ADAM20: variants seen among roughly 807,000 people sequenced by gnomAD.
The protein encoded by ADAM20 is disintegrin and metalloproteinase domain-containing protein 20.
For missense variants in ADAM20, 871 were observed against 883.2 expected (o/e 0.99, Z 0.18); for synonymous variants, 305 against 310.2 (o/e 0.98, Z 0.18).
At position 70,533,411 on chromosome 14, in the gene ADAM20, T is replaced by C. The variant is rs891241698; in HGVS notation, c.-177+1386A>G. ...GTGGCACATACATACCATGGAATACTATGCAGCCATAAAAAAGAATGAGTT... is the reference window on the plus strand; with the variant it reads ...GTGGCACATACATACCATGGAATACCATGCAGCCATAAAAAAGAATGAGTT... On this transcript the variant is annotated intron_variant, in intron 1 of 1. Transcript: ENST00000256389. Among the ~76,000 whole-genome samples, 5 of 152,176 alleles carry C rather than the reference T, an allele frequency of 3.3e-5. No individual in the cohort carries two copies. In the East Asian group the frequency reaches 9.6e-4, roughly 29 times the overall value.
chr14:70,572,099 T>C, the ADAM20 span, among the ~76,000 whole-genome samples: 1 of 152,172 alleles, frequency 6.6e-6, no homozygotes, highest in Non-Finnish European at 1.5e-5. Context: ...AAATTACCAA[T>C]GTCATTTTTC....
chr14:70,528,128 T>C (rs1883629967), intron 1 of ADAM20, among the ~76,000 whole-genome samples: 1 of 152,182 alleles, frequency 6.6e-6, no homozygotes, highest in Non-Finnish European at 1.5e-5. Context: ...AGCAGAAATA[T>C]TGTTATTGAT....
At chr14:70,569,264 T>C in the ADAM20 span, among the ~76,000 whole-genome samples, 2 of 152,130 alleles carry the variant, frequency 1.3e-5, no homozygotes, top group Admixed American at 6.5e-5. Context: ...CTACAAGAAA[T>C]ATTCACAGAA....
At chr14:70,564,989 A>G in the ADAM20 span, among the ~76,000 whole-genome samples, 1 of 151,652 alleles carries the variant, frequency 6.6e-6, no homozygotes, top group East Asian at 1.9e-4. Flanking sequence ...TTGAATCTGC[A>G]GTGAGCTATG....
chr14:70,522,841 G>T lies in ADAM20; in HGVS notation c.1917C>A (p.Thr639=). 6.2e-7 allele frequency: 1 copy of T among 1,614,076 alleles called. No homozygotes were observed. The highest frequency in any genetic ancestry group is 8.5e-7 in the Non-Finnish European group (1 of 1,179,944). Residue 639 remains threonine (T), a synonymous_variant, in exon 2 of 2, where the codon ACC becomes ACA. Transcript: ENST00000256389. The part of the protein sequence containing the change: ...VHLSQACQPK[T]CNMRGICNNK... ...TGTTGCAGATTCCCCTCATGTTGCA[G>T]GTCTTAGGCTGACAGGCTTGTGACA...
chr14:70,576,859 G>A, the ADAM20 span, among the ~76,000 whole-genome samples: 3 of 152,202 alleles, frequency 2.0e-5, no homozygotes, highest in Non-Finnish European at 4.4e-5. Flanking sequence ...GCTAGGGAAA[G>A]AGCTAGGATT....
At position 70,524,789 on chromosome 14, in the gene ADAM20, A is replaced by G. The variant is rs1219854812; in HGVS notation, c.-32T>C. On this transcript the variant is annotated 5_prime_UTR_variant, in exon 2 of 2. Coordinates refer to ENST00000256389, the MANE Select transcript of ADAM20 (RefSeq NM_003814.5). ...GCTGTCATTATGGAGCCATCTGTCT[A>G]GAGCAGAAGAGAACAAGGTGTGAGG... 6.2e-7 allele frequency: 1 copy of G among 1,613,682 alleles called. No homozygotes were observed.
chr14:70,545,073 A>G, the ADAM20 span, among the ~76,000 whole-genome samples: 2 of 152,200 alleles, frequency 1.3e-5, no homozygotes, highest in Non-Finnish European at 2.9e-5. Flanking sequence ...ACATGAGAAA[A>G]CACCTTTAAA....
At chr14:70,540,292 T>C in the ADAM20 span, among the ~76,000 whole-genome samples, 4 of 152,200 alleles carry the variant, frequency 2.6e-5, no homozygotes, top group African/African-American at 7.2e-5. Context: ...TGTGTGGCTA[T>C]ATATGTGTTA....
the ADAM20 span, among the ~76,000 whole-genome samples, chr14:70,553,580 T>A: frequency 0.99 from 146,235 of 146,994 alleles, 72,750 homozygotes; most frequent in Middle Eastern, 1. Context: ...CATATTAAAA[T>A]GATCATTCAT....
At chr14:70,535,029 T>C (rs1412118693), upstream of ADAM20, 1 of 152,220 alleles carries the variant, frequency 6.6e-6, no homozygotes, top group Non-Finnish European at 1.5e-5. Context: ...CAATGGAGAA[T>C]GGCATGTAAT....
At chr14:70,542,731 G>C in the ADAM20 span, among the ~76,000 whole-genome samples, 4 of 152,330 alleles carry the variant, frequency 2.6e-5, no homozygotes, top group South Asian at 6.2e-4. Flanking sequence ...CTGAGGTCAG[G>C]AGTTCAAGAC....
chr14:70,578,209 C>T, the ADAM20 span, among the ~76,000 whole-genome samples: 1 of 152,114 alleles, frequency 6.6e-6, no homozygotes, highest in East Asian at 1.9e-4. Context: ...TTAAAATGAT[C>T]TTTGACAAAG....
chr14:70,534,103 A>C (rs2139542385), intron 1 of ADAM20, among the ~76,000 whole-genome samples: 1 of 147,156 alleles, frequency 6.8e-6, no homozygotes, highest in African/African-American at 2.5e-5. Context: ...AAAAAAAAAA[A>C]AAAAACACAC....
chr14:70,573,719 AG>A, the ADAM20 span, among the ~76,000 whole-genome samples: 107 of 152,352 alleles, frequency 7.0e-4, no homozygotes, highest in African/African-American at 2.5e-3. Flanking sequence ...GGTAATTAAA[AG>A]AGCACAGAGG....
At chr14:70,564,335 G>A in the ADAM20 span, among the ~76,000 whole-genome samples, 4 of 152,156 alleles carry the variant, frequency 2.6e-5, no homozygotes, top group South Asian at 2.1e-4. Context: ...CTCATACTTA[G>A]CATTAAAAAC....
At chr14:70,576,321 C>T in the ADAM20 span, among the ~76,000 whole-genome samples, 3 of 152,102 alleles carry the variant, frequency 2.0e-5, no homozygotes, top group African/African-American at 7.2e-5. Flanking sequence ...ATATCACACA[C>T]TATTACAAAC....
At chr14:70,560,225 T>C in the ADAM20 span, among the ~76,000 whole-genome samples, 1 of 152,222 alleles carries the variant, frequency 6.6e-6, no homozygotes, top group Non-Finnish European at 1.5e-5. Context: ...TTAAATGTAT[T>C]ACTAAAACAG....
chr14:70,562,241 A>G, the ADAM20 span, among the ~76,000 whole-genome samples: 1 of 152,338 alleles, frequency 6.6e-6, no homozygotes, highest in East Asian at 1.9e-4. Flanking sequence ...AGATTTAATG[A>G]CTGCCCTATT....
Sources: gnomAD v4.1 joint callset for allele counts (sites outside exome capture counted in the v4.1 genomes callset) on GRCh38, gnomAD v4.1.1 for gene constraint, MANE v1.5 for transcripts, NCBI Gene and HGNC (gene_info 2026-07-23, HGNC 2026-07-21) for gene names.